Variants in KCNIP1 observed in about 807,000 individuals in gnomAD.
The protein encoded by KCNIP1 is A-type potassium channel modulatory protein KCNIP1.
A neutral mutation model predicts 33.0 loss-of-function variants in KCNIP1; 18 were observed. That is an observed-to-expected ratio of 0.55 (90% CI 0.38 to 0.81). The LOEUF is 0.81. Ranked by LOEUF, KCNIP1 falls within the 30% of genes least tolerant of loss-of-function variation. The pLI is 0.00. For missense variants in KCNIP1, 238 were observed against 271.6 expected (o/e 0.88, Z 0.87); for synonymous variants, 93 against 98.3 (o/e 0.95, Z 0.32).
chr5:170,626,273 G>A (rs540122071), intron 1 of KCNIP1, among the ~76,000 whole-genome samples: 13 of 152,344 alleles, frequency 8.5e-5, no homozygotes, highest in Non-Finnish European at 1.8e-4. Context: ...AATGGAAACT[G>A]AAGCTCAGGA....
intron 1 of KCNIP1, among the ~76,000 whole-genome samples, chr5:170,519,681 C>G (rs1212949305): frequency 6.6e-6 from 1 of 152,078 alleles, no homozygotes; most frequent in Non-Finnish European, 1.5e-5. Flanking sequence ...CAGCCTTTAT[C>G]TGTCTATGGA....
At chr5:170,485,240 A>G (rs957416686) in intron 1 of KCNIP1, among the ~76,000 whole-genome samples, 1 of 152,198 alleles carries the variant, frequency 6.6e-6, no homozygotes, top group African/African-American at 2.4e-5. Flanking sequence ...GCACCCAGCC[A>G]GATCTAGGTC....
intron 1 of KCNIP1, among the ~76,000 whole-genome samples, chr5:170,691,576 T>A (rs1322185210): frequency 6.6e-6 from 1 of 152,190 alleles, no homozygotes; most frequent in Non-Finnish European, 1.5e-5. Flanking sequence ...AGGAGAACAT[T>A]TGGCTCAGTG....
At chr5:170,443,410 T>A (rs1371102564) in intron 1 of KCNIP1, among the ~76,000 whole-genome samples, 1 of 152,108 alleles carries the variant, frequency 6.6e-6, no homozygotes, top group South Asian at 2.1e-4. Flanking sequence ...AACCAATTCA[T>A]GGAAGTGGGA....
At chr5:170,362,203 G>C (rs1763532462) in intron 1 of KCNIP1, among the ~76,000 whole-genome samples, 1 of 152,152 alleles carries the variant, frequency 6.6e-6, no homozygotes, top group African/African-American at 2.4e-5. Context: ...TCAGACGGGG[G>C]ACCGGCCTGC....
chr5:170,494,758 C>T (rs73803728), intron 1 of KCNIP1, among the ~76,000 whole-genome samples: 451 of 152,278 alleles, frequency 3.0e-3, no homozygotes, highest in African/African-American at 0.01. Context: ...ACTGCTGTTT[C>T]CTCCCAGTTC....
chr5:170,714,545 A>G (rs1763577425), intron 1 of KCNIP1, among the ~76,000 whole-genome samples: 1 of 152,224 alleles, frequency 6.6e-6, no homozygotes, highest in East Asian at 1.9e-4. Context: ...CAGCAACACA[A>G]CATACACAAT....
chr5:170,577,171 T>C (rs1394904264), intron 1 of KCNIP1, among the ~76,000 whole-genome samples: 2 of 152,232 alleles, frequency 1.3e-5, no homozygotes, highest in East Asian at 1.9e-4. Flanking sequence ...TCAGATCCCA[T>C]GCTTTGGTGA....
At chr5:170,649,063 A>G (rs1760904423) in intron 1 of KCNIP1, among the ~76,000 whole-genome samples, 2 of 152,246 alleles carry the variant, frequency 1.3e-5, no homozygotes, top group African/African-American at 2.4e-5. Flanking sequence ...GATGGAAAAG[A>G]AAATTGGTAT....
intron 1 of KCNIP1, among the ~76,000 whole-genome samples, chr5:170,632,588 C>T (rs1760095784): frequency 6.6e-6 from 1 of 152,252 alleles, no homozygotes; most frequent in Non-Finnish European, 1.5e-5. Flanking sequence ...CACATTCTTA[C>T]CGCCAGGGAT....
intron 1 of KCNIP1, among the ~76,000 whole-genome samples, chr5:170,597,546 G>A (rs1758484832): frequency 6.6e-6 from 1 of 152,012 alleles, no homozygotes; most frequent in Non-Finnish European, 1.5e-5. Flanking sequence ...AAATCTGGGA[G>A]ATGAATGTAT....
intron 1 of KCNIP1, chr5:170,422,340 C>T (rs1341123194): frequency 6.6e-6 from 1 of 152,226 alleles, no homozygotes; most frequent in Non-Finnish European, 1.5e-5. Context: ...TCAACTTTAT[C>T]GTCTCATACT....
At chr5:170,379,986 T>G (rs1448449227) in intron 1 of KCNIP1, among the ~76,000 whole-genome samples, 1 of 152,022 alleles carries the variant, frequency 6.6e-6, no homozygotes, top group Non-Finnish European at 1.5e-5. Context: ...TAGCTAAATT[T>G]AAAATTGAAA....
At chr5:170,527,617 C>T (rs528133573) in intron 1 of KCNIP1, among the ~76,000 whole-genome samples, 5 of 151,398 alleles carry the variant, frequency 3.3e-5, no homozygotes, top group Non-Finnish European at 7.4e-5. Flanking sequence ...AAGCTAGTCA[C>T]GAATAATCAG....
At chr5:170,639,814 C>A (rs1043584469) in intron 1 of KCNIP1, among the ~76,000 whole-genome samples, 1 of 152,320 alleles carries the variant, frequency 6.6e-6, no homozygotes, top group Middle Eastern at 3.4e-3. Context: ...CAGTTGGATG[C>A]GGTTCAGCTG....
intron 1 of KCNIP1, among the ~76,000 whole-genome samples, chr5:170,701,161 T>C (rs1208092859): frequency 6.6e-6 from 1 of 152,066 alleles, no homozygotes; most frequent in Non-Finnish European, 1.5e-5. Flanking sequence ...TACCCCACAA[T>C]CGCAAGATAT....
At chr5:170,551,719 A>G (rs1197737371) in intron 1 of KCNIP1, among the ~76,000 whole-genome samples, 1 of 151,102 alleles carries the variant, frequency 6.6e-6, no homozygotes, top group African/African-American at 2.4e-5. Flanking sequence ...GACTGTGTAT[A>G]TGAGTGCATG....
chr5:170,386,503 T>C (rs1581137203), intron 1 of KCNIP1, among the ~76,000 whole-genome samples: 1 of 152,190 alleles, frequency 6.6e-6, no homozygotes, highest in Admixed American at 6.5e-5. Flanking sequence ...GAGCAGTACA[T>C]GTGCATCATC....
intron 1 of KCNIP1, among the ~76,000 whole-genome samples, chr5:170,553,650 G>T (rs1364241515): frequency 3.9e-5 from 6 of 152,180 alleles, no homozygotes. Flanking sequence ...GGTCTGCGAC[G>T]GTAAGACTCA....
Sources: allele counts gnomAD v4.1 joint callset (sites outside exome capture counted in the v4.1 genomes callset), GRCh38; gene constraint gnomAD v4.1.1; transcripts MANE v1.5; gene names NCBI Gene and HGNC (gene_info 2026-07-23, HGNC 2026-07-21).